The following CHCHD6 variants were observed in gnomAD, a reference collection of about 807,000 sequenced individuals.
CHCHD6 encodes the protein coiled-coil-helix-coiled-coil-helix domain containing 6.
Under a neutral mutation model 32.3 loss-of-function variants are expected in CHCHD6, and 28 were observed. The observed-to-expected ratio is 0.87, with a 90% confidence interval of 0.64 to 1.19. The LOEUF (loss-of-function observed/expected upper bound fraction) is 1.19. Among genes scored for constraint, CHCHD6 ranks in the 50% most tolerant of loss-of-function variants. CHCHD6 has a pLI of 0.00. For synonymous variants in CHCHD6, 122 were observed against 117.5 expected (o/e 1.04, Z -0.25); for missense variants, 333 against 307.0 (o/e 1.08, Z -0.63).
chr3:126,909,340 C>T (rs1316473499), intron 5 of CHCHD6, among the ~76,000 whole-genome samples: 1 of 152,236 alleles, frequency 6.6e-6, no homozygotes, highest in Non-Finnish European at 1.5e-5. Context: ...CACCCCGCAC[C>T]TGTATTCTGG....
At chr3:126,888,836 C>G (rs1235216826) in intron 5 of CHCHD6, among the ~76,000 whole-genome samples, 2 of 152,300 alleles carry the variant, frequency 1.3e-5, no homozygotes, top group East Asian at 3.9e-4. Context: ...GAGTGAGGAG[C>G]TGACCATGAG....
In CHCHD6 at chr3:126,897,533, T is replaced by C. The variant is rs1356995685; in HGVS notation, c.496-17147T>C. 2.0e-5 allele frequency among the ~76,000 whole-genome samples: 3 copies of C among 152,240 alleles called. No individual in the cohort carries two copies. The East Asian group carries it at 5.8e-4, about 29-fold the overall frequency. On this transcript the variant is annotated intron_variant, in intron 5 of 7. Transcript: ENST00000290913. ...TCTGTATTGTCTGTTGCAGAAAGTGTAGGCAGTTCATGGTTTTGGGAGTCA... is the reference window on the plus strand; with the variant it reads ...TCTGTATTGTCTGTTGCAGAAAGTGCAGGCAGTTCATGGTTTTGGGAGTCA...
chr3:126,717,080 C>G (rs919550938), intron 1 of CHCHD6, among the ~76,000 whole-genome samples: 2 of 152,148 alleles, frequency 1.3e-5, no homozygotes, highest in Non-Finnish European at 2.9e-5. Context: ...GCACGCAGGC[C>G]GGGGTCAGGC....
intron 4 of CHCHD6, among the ~76,000 whole-genome samples, chr3:126,791,603 G>A (rs1938547114): frequency 6.6e-6 from 1 of 152,308 alleles, no homozygotes; most frequent in Admixed American, 6.5e-5. Flanking sequence ...AGGCTCCGTG[G>A]GTGTGTGACC....
At chr3:126,758,805 T>C (rs1937060650) in intron 4 of CHCHD6, among the ~76,000 whole-genome samples, 1 of 152,208 alleles carries the variant, frequency 6.6e-6, no homozygotes, top group Non-Finnish European at 1.5e-5. Context: ...TGTCCTCCTC[T>C]CTCATTACCT....
chr3:126,816,812 G>T (rs146016261), intron 4 of CHCHD6, among the ~76,000 whole-genome samples: 1 of 152,028 alleles, frequency 6.6e-6, no homozygotes, highest in Non-Finnish European at 1.5e-5. Flanking sequence ...TGCTGCACCC[G>T]TTAACTCGTC....
intron 4 of CHCHD6, among the ~76,000 whole-genome samples, chr3:126,748,587 T>C (rs1936598810): frequency 7.2e-6 from 1 of 139,026 alleles, no homozygotes; most frequent in Non-Finnish European, 1.5e-5. Flanking sequence ...AGAGTGAGAC[T>C]ACATCTCCAA....
chr3:126,749,463 T>C (rs1396344192), intron 4 of CHCHD6, among the ~76,000 whole-genome samples: 1 of 152,206 alleles, frequency 6.6e-6, no homozygotes, highest in African/African-American at 2.4e-5. Context: ...GATGCCCTTT[T>C]TTGACAAGGA....
At chr3:126,912,171 G>T (rs550500060) in intron 5 of CHCHD6, among the ~76,000 whole-genome samples, 2 of 152,290 alleles carry the variant, frequency 1.3e-5, no homozygotes, top group African/African-American at 2.4e-5. Flanking sequence ...ATGCCAAAGC[G>T]CAAATCAAAA....
At chr3:126,816,013 A>T (rs1411719149) in intron 4 of CHCHD6, among the ~76,000 whole-genome samples, 1 of 151,976 alleles carries the variant, frequency 6.6e-6, no homozygotes, top group Non-Finnish European at 1.5e-5. Context: ...GTGTCTATTG[A>T]CATCCATTCA....
At chr3:126,954,639 C>T (rs886152826) in intron 6 of CHCHD6, among the ~76,000 whole-genome samples, 1 of 152,202 alleles carries the variant, frequency 6.6e-6, no homozygotes, top group Non-Finnish European at 1.5e-5. Flanking sequence ...CACACAGGTC[C>T]CCTCAGTGCC....
intron 4 of CHCHD6, among the ~76,000 whole-genome samples, chr3:126,843,358 G>A (rs1222841249): frequency 1.3e-5 from 2 of 152,074 alleles, no homozygotes; most frequent in African/African-American, 2.4e-5. Flanking sequence ...TACTGGTTTG[G>A]TATCATTATA....
intron 4 of CHCHD6, among the ~76,000 whole-genome samples, chr3:126,774,180 C>T (rs1436467453): frequency 1.3e-5 from 2 of 152,104 alleles, no homozygotes; most frequent in Non-Finnish European, 2.9e-5. Flanking sequence ...ATAAAATTCA[C>T]ACGTTAAGTG....
intron 6 of CHCHD6, among the ~76,000 whole-genome samples, chr3:126,930,266 G>T (rs2078385205): frequency 6.6e-6 from 1 of 152,220 alleles, no homozygotes; most frequent in Admixed American, 6.5e-5. Flanking sequence ...CAAGACTCCA[G>T]CTTAGGCTCT....
At chr3:126,784,997 A>T (rs780259443) in intron 4 of CHCHD6, among the ~76,000 whole-genome samples, 2 of 151,942 alleles carry the variant, frequency 1.3e-5, no homozygotes, top group East Asian at 1.9e-4. Context: ...GTATTCTTCT[A>T]TTCTCCTTGT....
At chr3:126,864,558 CCTCCTT>C (rs1188788753) in intron 5 of CHCHD6, among the ~76,000 whole-genome samples, 19 of 149,898 alleles carry the variant, frequency 1.3e-4, no homozygotes, top group African/African-American at 4.7e-4. Context: ...TCCTCCTCCT[CCTCCTT>C]CTCCACCACC....
chr3:126,908,328 G>A (rs986456659), intron 5 of CHCHD6, among the ~76,000 whole-genome samples: 5 of 152,158 alleles, frequency 3.3e-5, no homozygotes, highest in African/African-American at 7.2e-5. Flanking sequence ...CTGTGCTTTG[G>A]TCGGATTCTG....
At chr3:126,931,470 C>A (rs1321886005) in intron 6 of CHCHD6, among the ~76,000 whole-genome samples, 1 of 152,154 alleles carries the variant, frequency 6.6e-6, no homozygotes, top group East Asian at 1.9e-4. Context: ...CAGCCTGCTC[C>A]CTGTTATGGC....
At chr3:126,714,299 T>C (rs1440452111) in intron 1 of CHCHD6, among the ~76,000 whole-genome samples, 1 of 152,040 alleles carries the variant, frequency 6.6e-6, no homozygotes, top group Non-Finnish European at 1.5e-5. Flanking sequence ...AAATCAGGCT[T>C]GTTTTATTTG....
Sources: gnomAD v4.1 joint callset for allele counts (sites outside exome capture counted in the v4.1 genomes callset) on GRCh38, gnomAD v4.1.1 for gene constraint, MANE v1.5 for transcripts, NCBI Gene and HGNC (gene_info 2026-07-23, HGNC 2026-07-21) for gene names.